Variants in TTBK2 observed in about 807,000 individuals in gnomAD.
TTBK2 encodes the protein tau-tubulin kinase 2.
In TTBK2, 28 loss-of-function variants were observed where a neutral mutation model predicts 110.8. The ratio of observed to expected loss-of-function variants is 0.25; its 90% CI spans 0.19 to 0.35. The LOEUF is 0.35. TTBK2 is among the 10% of genes least tolerant of loss of function. The pLI, the probability that TTBK2 is intolerant of heterozygous loss-of-function variation, is 1.00. For synonymous variants in TTBK2, 532 were observed against 527.3 expected, an observed-to-expected ratio of 1.01 and a Z score of -0.12; for missense variants, 1,369 against 1,500.3, an observed-to-expected ratio of 0.91 and a Z score of 1.45.
intron 3 of TTBK2, among the ~76,000 whole-genome samples, chr15:42,844,496 C>T (rs550381210): frequency 6.3e-4 from 96 of 152,290 alleles, no homozygotes; most frequent in Non-Finnish European, 1.2e-3. Context: ...GAGGTCAAGG[C>T]TGCAGTGAGC....
At chr15:42,859,760 C>T (rs1894082768) in intron 3 of TTBK2, among the ~76,000 whole-genome samples, 1 of 152,048 alleles carries the variant, frequency 6.6e-6, no homozygotes, top group South Asian at 2.1e-4. Context: ...CCAAACATGG[C>T]AGGGATGTTG....
intron 1 of TTBK2, among the ~76,000 whole-genome samples, chr15:42,892,209 A>G (rs947629830): frequency 6.6e-6 from 1 of 152,198 alleles, no homozygotes; most frequent in Admixed American, 6.5e-5. Flanking sequence ...GCAAGATAAC[A>G]AGAATACAAA....
intron 9 of TTBK2, among the ~76,000 whole-genome samples, chr15:42,796,771 C>A (rs1345665391): frequency 5.9e-5 from 9 of 152,160 alleles, no homozygotes. Context: ...TCATACATTA[C>A]CTTATTCATA....
intron 7 of TTBK2, among the ~76,000 whole-genome samples, chr15:42,815,958 A>AAAAAAAATATATATATATATAT (rs71108183): frequency 1.3e-4 from 12 of 91,696 alleles, no homozygotes; most frequent in African/African-American, 6.2e-4. Context: ...TTAAAAAAAA[A>AAAAAAAATATATATATATATAT]ATATATATAT....
At chr15:42,757,938 G>A (rs1470632885) in intron 13 of TTBK2, among the ~76,000 whole-genome samples, 1 of 152,070 alleles carries the variant, frequency 6.6e-6, no homozygotes, top group African/African-American at 2.4e-5. Flanking sequence ...ACCAAAATTA[G>A]TGTCTTATTT....
At chr15:42,805,275 C>T (rs1020465266) in intron 9 of TTBK2, among the ~76,000 whole-genome samples, 9 of 152,122 alleles carry the variant, frequency 5.9e-5, no homozygotes, top group African/African-American at 2.2e-4. Context: ...GATAAATGTG[C>T]AAGGCCCTGG....
intron 3 of TTBK2, among the ~76,000 whole-genome samples, chr15:42,849,071 A>G (rs1236190531): frequency 1.3e-5 from 2 of 151,978 alleles, no homozygotes; most frequent in Non-Finnish European, 2.9e-5. Context: ...TCTTTGCTGC[A>G]CCAAACTCAG....
intron 3 of TTBK2, chr15:42,840,708 G>A: frequency 2.1e-6 from 1 of 482,130 alleles, no homozygotes; most frequent in South Asian, 1.9e-5. Context: ...TATTTAGGGA[G>A]GAAAAGATTA....
intron 4 of TTBK2, among the ~76,000 whole-genome samples, chr15:42,835,557 T>C (rs1338709086): frequency 6.6e-6 from 1 of 151,924 alleles, no homozygotes; most frequent in Non-Finnish European, 1.5e-5. Flanking sequence ...GGTGAACCAA[T>C]TGATTAAAAG....
chr15:42,811,835 A>G, intron 7 of TTBK2, 55 bp from the exon 8 acceptor site: 2 of 1,525,592 alleles, frequency 1.3e-6, no homozygotes, highest in South Asian at 2.3e-5. Context: ...TGAGTACATT[A>G]CATTGTTCAA....
rs979597315 is a variant in TTBK2 at position 42,742,751 on chromosome 15, T to C, written c.*3044A>G. ...CTGCTGCCCTATACTACTTTTAGTA[T>C]AGTTTGGCTTGACCTTAATAGCCAT... On this transcript the variant is annotated 3_prime_UTR_variant, in exon 15 of 15. Transcript: ENST00000267890. 1.3e-5 allele frequency: 2 copies of C among 152,216 alleles called. No homozygotes were observed. The highest frequency in any genetic ancestry group is 4.8e-5 in the African/African-American group (2 of 41,450). 9.4% of individuals were successfully genotyped at this position (152,216 alleles called of 1,614,324 possible).
intron 1 of TTBK2, among the ~76,000 whole-genome samples, chr15:42,913,877 G>C (rs139092147): frequency 5.1e-4 from 78 of 152,018 alleles, no homozygotes; most frequent in African/African-American, 1.8e-3. Context: ...CAAATCAACC[G>C]AGCAAAGCAT....
At chr15:42,902,644 G>A (rs2030117911) in intron 1 of TTBK2, among the ~76,000 whole-genome samples, 1 of 152,114 alleles carries the variant, frequency 6.6e-6, no homozygotes, top group African/African-American at 2.4e-5. Context: ...CTGCATTGCT[G>A]GTGGGAATAT....
intron 3 of TTBK2, among the ~76,000 whole-genome samples, chr15:42,841,575 G>A (rs773004576): frequency 6.6e-6 from 1 of 152,082 alleles, no homozygotes; most frequent in African/African-American, 2.4e-5. Context: ...AACTACTGCA[G>A]GGTAATGAGA....
intron 1 of TTBK2, among the ~76,000 whole-genome samples, chr15:42,883,633 C>T: frequency 6.6e-6 from 1 of 151,306 alleles, no homozygotes; most frequent in East Asian, 1.9e-4. Context: ...AGTGGAATAC[C>T]AAAACATGTT....
chr15:42,841,147 C>T (rs954068522), intron 3 of TTBK2, among the ~76,000 whole-genome samples: 2 of 152,142 alleles, frequency 1.3e-5, no homozygotes, highest in Non-Finnish European at 2.9e-5. Flanking sequence ...TTCCTCAGTT[C>T]TATATTGATT....
intron 6 of TTBK2, among the ~76,000 whole-genome samples, chr15:42,826,321 A>G (rs1261538267): frequency 6.6e-6 from 1 of 152,164 alleles, no homozygotes; most frequent in Non-Finnish European, 1.5e-5. Flanking sequence ...ACAGATCCCA[A>G]AACAGACAGG....
chr15:42,912,655 G>A (rs1363679815), intron 1 of TTBK2, among the ~76,000 whole-genome samples: 2 of 151,898 alleles, frequency 1.3e-5, no homozygotes, highest in African/African-American at 2.4e-5. Flanking sequence ...AGGTTGCAGT[G>A]AGCTGAGATT....
intron 10 of TTBK2, among the ~76,000 whole-genome samples, chr15:42,790,701 T>TTTTGTTTG (rs71108182): frequency 6.4e-4 from 97 of 151,518 alleles, no homozygotes; most frequent in African/African-American, 2.3e-3. Context: ...CTCTGTGAGT[T>TTTTGTTTG]TTTGTTTGTT....
Sources: gnomAD v4.1 joint callset for allele counts (sites outside exome capture counted in the v4.1 genomes callset) on GRCh38, gnomAD v4.1.1 for gene constraint, MANE v1.5 for transcripts, NCBI Gene and HGNC (gene_info 2026-07-23, HGNC 2026-07-21) for gene names.